The following DDX3X variants were observed in gnomAD, a reference collection of about 807,000 sequenced individuals.
DDX3X encodes ATP-dependent RNA helicase DDX3X.
Under a neutral mutation model 52.7 loss-of-function variants are expected in DDX3X, and 4 were observed. The ratio of observed to expected loss-of-function variants is 0.08; its 90% CI spans 0.04 to 0.17. The LOEUF is 0.17. Among genes scored for constraint, DDX3X ranks in the 10% least tolerant of loss-of-function variants. The pLI is 1.00. For missense variants in DDX3X, 222 were observed against 548.6 expected, an observed-to-expected ratio of 0.40 and a Z score of 5.95; for synonymous variants, 192 against 178.1, an observed-to-expected ratio of 1.08 and a Z score of -0.62.
Position 41,347,781 on chromosome X carries a change from C to A in DDX3X, c.*62C>A. 1.4e-6 allele frequency: 1 copy of A among 724,147 alleles called. No individual in the cohort carries two copies. Among genetic ancestry groups the A allele is most frequent in the Non-Finnish European group, 2.1e-6 (1 of 478,591 alleles). The allele number at this position is 724,147 out of a possible 1,213,427, so 59.7% of individuals were successfully genotyped here. On this transcript the variant is annotated 3_prime_UTR_variant, in exon 17 of 17. Coordinates refer to ENST00000644876, the MANE Select transcript of DDX3X (RefSeq NM_001356.5). Reference sequence around the variant, plus strand: ...AATATGGAAACCACATGTAACTTAGCCAGACTATACCTTGTGTAGCTTCAA... The same window carrying A: ...AATATGGAAACCACATGTAACTTAGACAGACTATACCTTGTGTAGCTTCAA...
At chrX:41,355,806 C>T (rs1208172623) in intron 5 of DDX3X, among the ~76,000 whole-genome samples, 1 of 110,033 alleles carries the variant, frequency 9.1e-6, no homozygotes, top group Admixed American at 9.8e-5. Flanking sequence ...TAAATTTTGG[C>T]TGCTCTAATT....
intron 5 of DDX3X, among the ~76,000 whole-genome samples, chrX:41,360,802 T>C (rs2064026726): frequency 9.1e-6 from 1 of 109,696 alleles, no homozygotes; most frequent in African/African-American, 3.3e-5. Flanking sequence ...GCGCTTGTGG[T>C]TGTCTCTCAT....
chrX:41,357,071 T>C (rs1441317693), intron 5 of DDX3X, among the ~76,000 whole-genome samples: 1 of 107,855 alleles, frequency 9.3e-6, no homozygotes, highest in African/African-American at 3.4e-5. Context: ...GTAGCTTGGA[T>C]TACAGGTGTG....
intron 12 of DDX3X, 30 bp downstream of exon 12, chrX:41,345,578 A>T (rs1374550322): frequency 4.4e-6 from 5 of 1,142,163 alleles, no homozygotes; most frequent in Non-Finnish European, 5.9e-6. Flanking sequence ...ATTTTATTAG[A>T]CATGGGGGTT....
Position 41,349,087 on chromosome X carries a change from G to A in DDX3X, c.*1368G>A, listed in dbSNP as rs763165535. ...GTGGCCAGAATGCGGTGATCAAAAC[G>A]CTCCATCTTTTTACAGTGGCATAGG... On this transcript the variant is annotated 3_prime_UTR_variant, in exon 17 of 17. Coordinates refer to ENST00000644876, the MANE Select transcript of DDX3X (RefSeq NM_001356.5). The A allele has an allele frequency of 3.7e-4, 41 of 112,070 alleles. No homozygotes were observed. Among genetic ancestry groups the A allele is most frequent in the African/African-American group, 1.3e-3 (40 of 30,772 alleles). The allele number at this position is 112,070 out of a possible 1,213,427, so 9.2% of individuals were successfully genotyped here.
chrX:41,343,633 C>T lies in DDX3X; in HGVS notation c.680-104C>T, dbSNP rs1004700565. On this transcript the variant is annotated intron_variant, in intron 7 of 16. Coordinates refer to ENST00000644876, the MANE Select transcript of DDX3X (RefSeq NM_001356.5). ...ACTTTTTGGAAAACTTAAGCATAAA[C>T]TAAAAGTACTAATTATTAGTAATAG... The T allele has an allele frequency of 1.2e-4, 90 of 762,666 alleles. No homozygotes were observed. In the African/African-American group the frequency reaches 1.6e-3, roughly 13 times the overall value. 62.9% of individuals were successfully genotyped at this position (762,666 alleles called of 1,213,427 possible).
At chrX:41,353,802 G>A (rs1389743748), downstream of DDX3X, among the ~76,000 whole-genome samples, 1 of 105,073 alleles carries the variant, frequency 9.5e-6, no homozygotes. Context: ...CTATACACAC[G>A]CATACACACA....
chrX:41,354,798 TCAATC>T (rs1411778755), downstream of DDX3X, among the ~76,000 whole-genome samples: 10 of 102,679 alleles, frequency 9.7e-5, no homozygotes, highest in Admixed American at 3.3e-4. Context: ...ATGTCTCTGA[TCAATC>T]CAAGTTGTTG....
Position 41,337,300 on chromosome X carries a change from TG to T in DDX3X, c.46-105del, listed in dbSNP as rs1343584330. On this transcript the variant is annotated intron_variant, in intron 1 of 16. Transcript: ENST00000644876. ...TTGGTATTAGCCCTGTGAGGTGGAC[TG>T]GGCAACTACTTGAATGCAGTACTAG... 4 of 641,445 alleles carry T rather than the reference TG, an allele frequency of 6.2e-6. No individual in the cohort carries two copies. The East Asian group carries it at 1.3e-4, about 21-fold the overall frequency. 52.9% of individuals were successfully genotyped at this position (641,445 alleles called of 1,213,427 possible).
chrX:41,334,491 C>T (rs1222497803), intron 1 of DDX3X, 194 bp downstream of exon 1: 3 of 1,095,185 alleles, frequency 2.7e-6, no homozygotes, highest in African/African-American at 3.7e-5. Context: ...CCGGTCTCGG[C>T]CCGCTGTATT....
In DDX3X at chrX:41,334,231, G is replaced by T; in HGVS notation, c.-22G>T. The T allele has an allele frequency of 8.3e-7, 1 of 1,204,754 alleles. No homozygotes were observed. The stretch of plus-strand genomic sequence containing the variant: ...CACTCGCTTAGCAGCGGAAGACTCC[G>T]AGTTCTCGGTACTCTTCAGGGATGA... On this transcript the variant is annotated 5_prime_UTR_variant, in exon 1 of 17. Coordinates refer to ENST00000644876, the MANE Select transcript of DDX3X (RefSeq NM_001356.5).
At chrX:41,345,137 T>G in intron 10 of DDX3X, 43 bp from the exon 11 acceptor site, 1 of 1,188,443 alleles carries the variant, frequency 8.4e-7, no homozygotes, top group Non-Finnish European at 1.1e-6. Context: ...TGATTTCTCC[T>G]CAAATTCTAA....
At chrX:41,334,111 T>C (rs2063718112), upstream of DDX3X, 3 of 547,063 alleles carry the variant, frequency 5.5e-6, no homozygotes, top group South Asian at 3.0e-5. Context: ...CGTGCTGACG[T>C]AGCCGGCTTT....
downstream of DDX3X, among the ~76,000 whole-genome samples, chrX:41,354,928 G>A (rs910344669): frequency 5.5e-5 from 6 of 109,654 alleles, no homozygotes; most frequent in Admixed American, 9.9e-5. Context: ...TACCTCCAGG[G>A]TTCAAGCAAT....
upstream of DDX3X, chrX:41,334,147 C>T (rs1437149315): frequency 1.4e-5 from 12 of 842,899 alleles, no homozygotes; most frequent in South Asian, 4.7e-5. Flanking sequence ...GATCCGTGGC[C>T]GCGCGGTGCG....
Position 41,345,174 on chromosome X carries a change from T to C in DDX3X, c.1026-6T>C, listed in dbSNP as rs755959550. 4 of 1,207,926 alleles carry C rather than the reference T, an allele frequency of 3.3e-6. No individual in the cohort carries two copies. The Admixed American group carries it at 8.8e-5, about 27-fold the overall frequency. On this transcript the variant is annotated splice_polypyrimidine_tract_variant and splice_region_variant and intron_variant, in intron 10 of 16. Coordinates refer to ENST00000644876, the MANE Select transcript of DDX3X (RefSeq NM_001356.5). ...CTCAGGCTTGTTTTTTTTCATGACA[T>C]GACAGATACTTGGTGTTAGATGAAG...
intron 5 of DDX3X, among the ~76,000 whole-genome samples, chrX:41,355,337 A>C (rs2064004200): frequency 8.9e-6 from 1 of 111,764 alleles, no homozygotes; most frequent in African/African-American, 3.3e-5. Flanking sequence ...CTCCTGTGTT[A>C]AGTATGTGTT....
At chrX:41,340,969 T>G in intron 3 of DDX3X, 1 of 274,945 alleles carries the variant, frequency 3.6e-6, no homozygotes, top group South Asian at 2.5e-4. Flanking sequence ...TCAGATTGCT[T>G]GATTTAGTGT....
upstream of DDX3X, chrX:41,333,789 G>T (rs751004386): frequency 6.6e-5 from 8 of 122,108 alleles, no homozygotes; most frequent in Admixed American, 3.6e-4. Context: ...AATGCGTAAG[G>T]TTGGAAAGGG....
Sources: gnomAD v4.1 joint callset for allele counts (sites outside exome capture counted in the v4.1 genomes callset) on GRCh38, gnomAD v4.1.1 for gene constraint, MANE v1.5 for transcripts, NCBI Gene and HGNC (gene_info 2026-07-23, HGNC 2026-07-21) for gene names.